ZNF562: variants seen among roughly 807,000 people sequenced by gnomAD.
The protein encoded by ZNF562 is zinc finger protein 562.
A neutral mutation model predicts 17.5 loss-of-function variants in ZNF562; 13 were observed. The observed-to-expected ratio is 0.74, with a 90% CI of 0.48 to 1.18. The LOEUF (loss-of-function observed/expected upper bound fraction) is 1.18, where lower values mean the gene tolerates loss of function less well. ZNF562 is among the 50% of genes most tolerant of loss of function. The pLI is 0.00. For synonymous variants in ZNF562, 163 were observed against 165.4 expected, an observed-to-expected ratio of 0.99 and a Z score of 0.11; for missense variants, 481 against 498.5, an observed-to-expected ratio of 0.96 and a Z score of 0.33.
At chr19:9,666,663 AT>A (rs2043971007) in intron 1 of ZNF562, among the ~76,000 whole-genome samples, 1 of 152,084 alleles carries the variant, frequency 6.6e-6, no homozygotes. Context: ...AGGGAAAAAA[AT>A]GACCCAAATA....
chr19:9,671,902 G>A (rs908915784), intron 1 of ZNF562, among the ~76,000 whole-genome samples: 4 of 152,144 alleles, frequency 2.6e-5, no homozygotes, highest in East Asian at 1.9e-4. Context: ...AGTAACTAAG[G>A]CTGAACTGAG....
At position 9,643,608 on chromosome 19, in the gene ZNF562, G is replaced by A. The variant is rs542152763; in HGVS notation, c.*9341C>T. ...TCTTTTTTTTTTTTTTTTAAATGGA[G>A]TCTTGCTCTGTTGCCCAGGCTGGAA... On this transcript the variant is annotated 3_prime_UTR_variant, in exon 6 of 6. Coordinates refer to ENST00000453372, the MANE Select transcript of ZNF562 (RefSeq NM_001130031.2). 3 of 144,546 alleles carry A rather than the reference G, an allele frequency of 2.1e-5. No homozygotes were observed. Among genetic ancestry groups the A allele is most frequent in the African/African-American group, 5.1e-5 (2 of 38,904 alleles). 9.0% of individuals were successfully genotyped at this position (144,546 alleles called of 1,614,324 possible).
intron 5 of ZNF562, among the ~76,000 whole-genome samples, chr19:9,655,436 C>T (rs530634938): frequency 1.3e-5 from 2 of 152,226 alleles, no homozygotes; most frequent in East Asian, 1.9e-4. Context: ...CTCCAGAGAC[C>T]CTGCTCCCTC....
chr19:9,670,823 C>A (rs936217854), intron 1 of ZNF562, among the ~76,000 whole-genome samples: 2 of 151,984 alleles, frequency 1.3e-5, no homozygotes, highest in Non-Finnish European at 2.9e-5. Context: ...TATGGTAAAA[C>A]CCCGTCTCTA....
rs1436582924 is a variant in ZNF562, at chr19:9,645,383, G to C, written c.*7566C>G. 6.6e-6 allele frequency: 1 copy of C among 152,222 alleles called. No individual in the cohort carries two copies. Among genetic ancestry groups the C allele is most frequent in the Admixed American group, 6.5e-5 (1 of 15,268 alleles). 9.4% of individuals were successfully genotyped at this position (152,222 alleles called of 1,614,324 possible). A position where few individuals can be genotyped will look rare whatever the true frequency, so the allele number is the denominator to read the frequency against. Reference sequence around the variant, plus strand: ...TGCTAACACGAGTGGGCCTGGTTCTGGAGGATTTCCCAGTGGGTCCTGAAG... The same window carrying C: ...TGCTAACACGAGTGGGCCTGGTTCTCGAGGATTTCCCAGTGGGTCCTGAAG... On this transcript the variant is annotated 3_prime_UTR_variant, in exon 6 of 6. Coordinates refer to ENST00000453372, the MANE Select transcript of ZNF562 (RefSeq NM_001130031.2).
chr19:9,656,347 T>C (rs539413469), intron 5 of ZNF562, among the ~76,000 whole-genome samples, 200 bp downstream of exon 5: 17 of 151,344 alleles, frequency 1.1e-4, no homozygotes, highest in Admixed American at 3.9e-4. Context: ...GTCTCTACTA[T>C]AAATACAATA....
Position 9,660,746 on chromosome 19 carries a change from C to A in ZNF562, c.-2G>T, listed in dbSNP as rs752752851. 4.3e-6 allele frequency: 7 copies of A among 1,613,546 alleles called. No individual in the cohort carries two copies. In the South Asian group the frequency reaches 7.7e-5, roughly 18 times the overall value. Reference sequence around the variant, plus strand: ...ATGGGACATATCAAAGGCTGACATCCTCTGAAGCTGATGGTGAGATGTGCC... The same window carrying A: ...ATGGGACATATCAAAGGCTGACATCATCTGAAGCTGATGGTGAGATGTGCC... On this transcript the variant is annotated 5_prime_UTR_variant, in exon 2 of 6. It adds an upstream start codon to the 5' untranslated region. Coordinates refer to ENST00000453372, the MANE Select transcript of ZNF562 (RefSeq NM_001130031.2).
At position 9,653,236 on chromosome 19, in the gene ZNF562, T is replaced by G; in HGVS notation, c.994A>C (p.Thr332Pro). The G allele has an allele frequency of 3.1e-6, 5 of 1,614,198 alleles. No homozygotes were observed. Among genetic ancestry groups the G allele is most frequent in the Non-Finnish European group, 4.2e-6 (5 of 1,180,040 alleles). The change falls in exon 6 of 6, where the codon ACT (threonine) becomes CCT (proline). Residue 332 changes from threonine (T) to proline (P), a missense_variant. This residue lies in a region of ZNF562 where 403 missense variants were observed against 386.4 expected (regional missense o/e 1.04). Coordinates refer to ENST00000453372, the MANE Select transcript of ZNF562 (RefSeq NM_001130031.2). ...CCAGTGTGAGTTCTTACATGTTGAGTAAGGTGAGTTGATCTAGTGAAGGCT... is the reference window on the plus strand; with the variant it reads ...CCAGTGTGAGTTCTTACATGTTGAGGAAGGTGAGTTGATCTAGTGAAGGCT... ...GKAFTRSTHL[T>P]QHVRTHTGIK...
At chr19:9,674,536 G>T (rs2044330093) in intron 1 of ZNF562, 1 of 151,612 alleles carries the variant, frequency 6.6e-6, no homozygotes, top group African/African-American at 2.4e-5. Flanking sequence ...AAAAGTAAAG[G>T]ACATCAAGAC....
chr19:9,655,804 G>GCTCA (rs1244346153), intron 5 of ZNF562, among the ~76,000 whole-genome samples: 1 of 125,602 alleles, frequency 8.0e-6, no homozygotes, highest in Non-Finnish European at 1.6e-5. Context: ...TGCAGTGCTG[G>GCTCA]CTCACTCAGC....
At chr19:9,666,890 C>T (rs1009901024) in intron 1 of ZNF562, among the ~76,000 whole-genome samples, 2 of 152,070 alleles carry the variant, frequency 1.3e-5, no homozygotes, top group East Asian at 3.8e-4. Flanking sequence ...TGAATCCCAT[C>T]AAAGAAAAGC....
At position 9,653,436 on chromosome 19, in the gene ZNF562, CAGTTCTT is replaced by C; in HGVS notation, c.787_793del (p.Lys263ValfsTer49). 5 of 1,614,162 alleles carry C rather than the reference CAGTTCTT, an allele frequency of 3.1e-6. No homozygotes were observed. The highest frequency in any genetic ancestry group is 4.2e-6 in the Non-Finnish European group (5 of 1,180,034). On this transcript the variant is annotated frameshift_variant, in exon 6 of 6. Coordinates refer to ENST00000453372, the MANE Select transcript of ZNF562 (RefSeq NM_001130031.2). LOFTEE classifies it low-confidence loss of function (END_TRUNC). ...AGAAAAATTAGTGAAGGATTTCCCA[CAGTTCTT>C]AGTCTTTTCGGATTTCTTTCCAGTA...
chr19:9,657,387 C>A (rs981677784), intron 4 of ZNF562, among the ~76,000 whole-genome samples: 1 of 147,042 alleles, frequency 6.8e-6, no homozygotes, highest in African/African-American at 2.6e-5. Flanking sequence ...GAGTGAGACT[C>A]CCTCAAAAAA....
intron 1 of ZNF562, among the ~76,000 whole-genome samples, chr19:9,674,016 C>G (rs1010915182): frequency 1.3e-5 from 2 of 152,196 alleles, no homozygotes; most frequent in African/African-American, 4.8e-5. Context: ...AGGGTGTGCC[C>G]TCACAGATGG....
At chr19:9,656,280 C>A (rs1485511015) in intron 5 of ZNF562, among the ~76,000 whole-genome samples, 3 of 152,264 alleles carry the variant, frequency 2.0e-5, no homozygotes, top group South Asian at 2.1e-4. Flanking sequence ...GAGGTCGAGG[C>A]AGATGGATCA....
At chr19:9,663,801 C>G (rs2043847968) in intron 1 of ZNF562, among the ~76,000 whole-genome samples, 1 of 151,986 alleles carries the variant, frequency 6.6e-6, no homozygotes, top group African/African-American at 2.4e-5. Flanking sequence ...CTCAGCCTCT[C>G]AAGTAGCTGG....
Position 9,653,186 on chromosome 19 carries a change from T to G in ZNF562, c.1044A>C (p.Glu348Asp). The G allele has an allele frequency of 6.2e-7, 1 of 1,614,154 alleles. No individual in the cohort carries two copies. The highest frequency in any genetic ancestry group is 8.5e-7 in the Non-Finnish European group (1 of 1,179,998). Residue 348 changes from glutamate to aspartate, a missense_variant, in exon 6 of 6, where the codon GAA (glutamate) becomes GAC (aspartate). This residue lies in a region of ZNF562 where 78 missense variants were observed against 112.0 expected (regional missense o/e 0.70). Coordinates refer to ENST00000453372, the MANE Select transcript of ZNF562 (RefSeq NM_001130031.2). ...HTGIKPYECK[E>D]CGQAFTQYTG... ...TGTACTGAGTGAAGGCTTGGCCACA[T>G]TCCTTACATTCATAGGGTTTTATTC...
rs2074800707 is a variant in ZNF562, at chr19:9,645,540, C to G, written c.*7409G>C. ...TTAGCAGAAGCCTCTTGAGGATGGA[C>G]TTGCAAACCAAAGTTGTGCTGGTTT... On this transcript the variant is annotated 3_prime_UTR_variant, in exon 6 of 6. Coordinates refer to ENST00000453372, the MANE Select transcript of ZNF562 (RefSeq NM_001130031.2). 6.6e-6 allele frequency: 1 copy of G among 152,204 alleles called. No individual in the cohort carries two copies. The highest frequency in any genetic ancestry group is 6.5e-5 in the Admixed American group (1 of 15,280). The allele number at this position is 152,204 out of a possible 1,614,324, so 9.4% of individuals were successfully genotyped here.
chr19:9,645,259 A>G lies in ZNF562; in HGVS notation c.*7690T>C, dbSNP rs1179337320. 1 of 152,002 alleles carries G rather than the reference A, an allele frequency of 6.6e-6. No individual in the cohort carries two copies. The highest frequency in any genetic ancestry group is 1.5e-5 in the Non-Finnish European group (1 of 68,032). The allele number at this position is 152,002 out of a possible 1,614,324, so 9.4% of individuals were successfully genotyped here. On this transcript the variant is annotated 3_prime_UTR_variant, in exon 6 of 6. Transcript: ENST00000453372. ...ATGGGGGTTCACCATGTTGCCCAAA[A>G]TGGTCTCAATCTCTTGGCCTCGTGA...
Sources: allele counts gnomAD v4.1 joint callset (sites outside exome capture counted in the v4.1 genomes callset), GRCh38; gene constraint gnomAD v4.1.1; regional missense constraint gnomAD v4.1.1; transcripts MANE v1.5; gene names NCBI Gene and HGNC (gene_info 2026-07-23, HGNC 2026-07-21).